Variants in ADGRB3 observed in about 807,000 individuals in gnomAD.
ADGRB3 encodes the protein adhesion G protein-coupled receptor B3.
ADGRB3 carries 37 observed loss-of-function variants against 193.4 expected under a neutral mutation model. That is an observed-to-expected ratio of 0.19 (90% confidence interval 0.15 to 0.25). ADGRB3 has a LOEUF of 0.25. ADGRB3 is among the 10% of genes least tolerant of loss of function. The pLI is 1.00. For missense variants in ADGRB3, 1,637 were observed against 1,852.9 expected (o/e 0.88, Z 2.14); for synonymous variants, 690 against 644.2 (o/e 1.07, Z -1.08).
chr6:68,975,444 T>C (rs1768715469), intron 10 of ADGRB3, 104 bp downstream of exon 10: 1 of 815,756 alleles, frequency 1.2e-6, no homozygotes, highest in African/African-American at 1.7e-5. Context: ...GTAACATCTC[T>C]AAAAAAGAAA....
intron 3 of ADGRB3, among the ~76,000 whole-genome samples, chr6:68,926,605 C>T (rs779121261): frequency 1.7e-4 from 26 of 152,014 alleles, no homozygotes; most frequent in Non-Finnish European, 3.4e-4. Context: ...TCAGTGGACA[C>T]GTAAACAAAA....
chr6:69,286,337 C>T (rs1426777968), intron 20 of ADGRB3, among the ~76,000 whole-genome samples: 1 of 152,122 alleles, frequency 6.6e-6, no homozygotes, highest in East Asian at 1.9e-4. Flanking sequence ...TAATATTCTC[C>T]TTTCCAACTT....
chr6:69,369,398 C>A (rs1198335184), intron 29 of ADGRB3, among the ~76,000 whole-genome samples: 1 of 152,066 alleles, frequency 6.6e-6, no homozygotes, highest in African/African-American at 2.4e-5. Context: ...ATGCCCCATG[C>A]CCCTTTAAGA....
intron 17 of ADGRB3, among the ~76,000 whole-genome samples, chr6:69,132,965 G>A (rs558722543): frequency 2.0e-5 from 3 of 152,188 alleles, no homozygotes; most frequent in African/African-American, 4.8e-5. Flanking sequence ...TGAGGGCTCT[G>A]TTCTGTTCCA....
intron 3 of ADGRB3, among the ~76,000 whole-genome samples, chr6:68,787,727 T>A (rs145380319): frequency 0.023 from 3,514 of 152,340 alleles, 68 homozygotes; most frequent in South Asian, 0.075. Flanking sequence ...TCAGAAAGAA[T>A]GCTACCAGCT....
intron 17 of ADGRB3, among the ~76,000 whole-genome samples, chr6:69,078,987 A>G (rs1772313139): frequency 6.6e-6 from 1 of 152,034 alleles, no homozygotes; most frequent in South Asian, 2.1e-4. Context: ...AATTATTCCC[A>G]TCTCTATTTG....
At position 69,227,225 on chromosome 6, in the gene ADGRB3, G is replaced by C. The variant is rs1370836794; in HGVS notation, c.2481-6065G>C. 3.9e-5 allele frequency among the ~76,000 whole-genome samples: 6 copies of C among 152,266 alleles called. No homozygotes were observed. In the East Asian group the frequency reaches 1.2e-3, roughly 29 times the overall value. On this transcript the variant is annotated intron_variant, in intron 17 of 31. Coordinates refer to ENST00000370598, the MANE Select transcript of ADGRB3 (RefSeq NM_001704.3). Reference sequence around the variant, plus strand: ...CAAAATGCCAAGAAAGGCCAATAAGGAGCTCAGAGCAGTTGGGAGTGGTGG... The same window carrying C: ...CAAAATGCCAAGAAAGGCCAATAAGCAGCTCAGAGCAGTTGGGAGTGGTGG...
intron 3 of ADGRB3, among the ~76,000 whole-genome samples, chr6:68,743,144 C>A (rs1270266720): frequency 3.3e-5 from 5 of 151,940 alleles, no homozygotes; most frequent in Non-Finnish European, 7.4e-5. Context: ...GATTCTTTCT[C>A]TGTTCCTTCT....
chr6:69,384,936 A>G (rs1272909774), intron 31 of ADGRB3, among the ~76,000 whole-genome samples: 2 of 148,878 alleles, frequency 1.3e-5, no homozygotes, highest in Non-Finnish European at 3.0e-5. Context: ...AAAACCTCAA[A>G]TAAAGGGGTT....
intron 11 of ADGRB3, among the ~76,000 whole-genome samples, chr6:69,004,633 A>G (rs1021140057): frequency 2.2e-5 from 3 of 138,968 alleles, no homozygotes; most frequent in Non-Finnish European, 4.5e-5. Context: ...CTCATTGTTC[A>G]GTTCCCACCT....
Position 68,768,216 on chromosome 6 carries a change from A to C in ADGRB3, c.757+128784A>C, listed in dbSNP as rs553972894. ...TTTAAATTTCATATGGAACCAGAAA[A>C]GAGCCCATATAGCCAAGACAATCCT... On this transcript the variant is annotated intron_variant, in intron 3 of 31. Transcript: ENST00000370598. 5.9e-5 allele frequency among the ~76,000 whole-genome samples: 9 copies of C among 152,346 alleles called. No homozygotes were observed. The South Asian group carries it at 1.4e-3, about 25-fold the overall frequency.
intron 13 of ADGRB3, among the ~76,000 whole-genome samples, chr6:69,037,308 A>G (rs1429522298): frequency 6.6e-6 from 1 of 152,214 alleles, no homozygotes; most frequent in African/African-American, 2.4e-5. Context: ...GGCTTTGCTT[A>G]TATGATTAAA....
intron 3 of ADGRB3, 87 bp downstream of exon 3, chr6:68,639,519 T>C (rs1367217937): frequency 1.5e-6 from 2 of 1,377,756 alleles, no homozygotes; most frequent in African/African-American, 1.5e-5. Context: ...ACAGGCCTAA[T>C]TATTTATCCT....
In ADGRB3 at chr6:69,277,791, G is replaced by A. The variant is rs1029294909; in HGVS notation, c.2814+38565G>A. 2.6e-5 allele frequency among the ~76,000 whole-genome samples: 4 copies of A among 152,194 alleles called. No individual in the cohort carries two copies. The East Asian group carries it at 7.7e-4, about 29-fold the overall frequency. ...CTCCACCACTTGCCCACAGACTTTG[G>A]GAAAATTACTTGGTCACTCTTGCTT... On this transcript the variant is annotated intron_variant, in intron 20 of 31. Coordinates refer to ENST00000370598, the MANE Select transcript of ADGRB3 (RefSeq NM_001704.3).
intron 17 of ADGRB3, among the ~76,000 whole-genome samples, chr6:69,199,219 C>T (rs1448283211): frequency 6.6e-6 from 1 of 152,142 alleles, no homozygotes; most frequent in East Asian, 1.9e-4. Context: ...GGCTACATTA[C>T]TATTCTGGAG....
At chr6:68,863,541 C>A (rs1345771704) in intron 3 of ADGRB3, among the ~76,000 whole-genome samples, 1 of 151,856 alleles carries the variant, frequency 6.6e-6, no homozygotes, top group Non-Finnish European at 1.5e-5. Context: ...ATAAAATTTA[C>A]AAATCCTTTT....
chr6:69,383,042 G>GA (rs967629862), intron 31 of ADGRB3, 107 bp downstream of exon 31: 420 of 592,270 alleles, frequency 7.1e-4, no homozygotes, highest in South Asian at 1.2e-3. Flanking sequence ...AGTCTACATA[G>GA]AAAAAAAAAG....
chr6:68,929,428 T>C (rs1767274941), intron 3 of ADGRB3, among the ~76,000 whole-genome samples: 1 of 152,128 alleles, frequency 6.6e-6, no homozygotes. Flanking sequence ...GTGCTAGTCT[T>C]TTCTCCTTCC....
intron 3 of ADGRB3, among the ~76,000 whole-genome samples, chr6:68,916,202 A>T (rs1294291116): frequency 6.6e-6 from 1 of 152,180 alleles, no homozygotes; most frequent in Non-Finnish European, 1.5e-5. Flanking sequence ...GAGCAGATTA[A>T]GAAAAACAGG....
Sources: gnomAD v4.1 joint callset for allele counts (sites outside exome capture counted in the v4.1 genomes callset) on GRCh38, gnomAD v4.1.1 for gene constraint, MANE v1.5 for transcripts, NCBI Gene and HGNC (gene_info 2026-07-23, HGNC 2026-07-21) for gene names.